HDAC8: variants seen among roughly 807,000 people sequenced by gnomAD.
The protein encoded by HDAC8 is histone deacetylase 8.
Under a neutral mutation model 32.2 loss-of-function variants are expected in HDAC8, and 1 was observed. The ratio of observed to expected loss-of-function variants is 0.03; its 90% CI spans 0.01 to 0.15. The LOEUF is 0.15. Ranked by LOEUF, HDAC8 falls within the 10% of genes least tolerant of loss-of-function variation. The probability of loss-of-function intolerance (pLI) is 1.00; values close to 1 mark genes in which losing one functional copy is unlikely to be tolerated. For missense variants in HDAC8, 117 were observed against 300.0 expected (o/e 0.39, Z 4.51); for synonymous variants, 108 against 113.9 (o/e 0.95, Z 0.33).
intron 9 of HDAC8, among the ~76,000 whole-genome samples, chrX:72,383,452 C>T (rs782173835): frequency 8.9e-6 from 1 of 112,193 alleles, no homozygotes; most frequent in African/African-American, 3.2e-5. Flanking sequence ...CAAACTTACT[C>T]TTTCCCCAAG....
chrX:72,569,673 G>A (rs781816855), intron 2 of HDAC8, among the ~76,000 whole-genome samples: 11 of 111,757 alleles, frequency 9.8e-5, no homozygotes, highest in African/African-American at 3.6e-4. Flanking sequence ...ATAGAAGCGA[G>A]TGAGGGAATA....
intron 9 of HDAC8, among the ~76,000 whole-genome samples, chrX:72,358,822 A>G (rs987944792): frequency 8.9e-6 from 1 of 111,830 alleles, no homozygotes; most frequent in Admixed American, 9.4e-5. Context: ...ACCTCAGATC[A>G]TTAGGCATTA....
In HDAC8 at chrX:72,537,443, G is replaced by A. The variant is rs2050568775; in HGVS notation, c.437+30446C>T. Among the ~76,000 whole-genome samples, 4 of 112,350 alleles carry A rather than the reference G, an allele frequency of 3.6e-5. No homozygotes were observed. In the South Asian group the frequency reaches 1.5e-3, roughly 42 times the overall value. On this transcript the variant is annotated intron_variant, in intron 4 of 10. Transcript: ENST00000373573. ...ACTATTTATACATTTCCTGCAATTAGTATGCATTTGAGAAATTTTTAGTAA... is the reference window on the plus strand; with the variant it reads ...ACTATTTATACATTTCCTGCAATTAATATGCATTTGAGAAATTTTTAGTAA...
intron 4 of HDAC8, among the ~76,000 whole-genome samples, chrX:72,500,057 C>T (rs947700985): frequency 1.3e-4 from 14 of 111,137 alleles, no homozygotes; most frequent in African/African-American, 4.6e-4. Flanking sequence ...TGGACATATA[C>T]ACCCTCCTAA....
intron 9 of HDAC8, among the ~76,000 whole-genome samples, chrX:72,422,362 CT>C (rs1555973926): frequency 9.0e-6 from 1 of 110,514 alleles, no homozygotes; most frequent in Non-Finnish European, 1.9e-5. Context: ...ATTCTTCGTT[CT>C]TTTTTTTCCT....
intron 10 of HDAC8, among the ~76,000 whole-genome samples, chrX:72,344,341 T>C (rs782043550): frequency 8.9e-6 from 1 of 112,198 alleles, no homozygotes; most frequent in Non-Finnish European, 1.9e-5. Flanking sequence ...TTTGGTAAAG[T>C]ATCATCAAAG....
At chrX:72,543,264 C>T (rs1283995472) in intron 4 of HDAC8, among the ~76,000 whole-genome samples, 2 of 111,006 alleles carry the variant, frequency 1.8e-5, no homozygotes, top group Non-Finnish European at 1.9e-5. Context: ...AGGGAAGAGG[C>T]CTGGATGGAG....
At chrX:72,449,059 C>T (rs1472232979) in intron 9 of HDAC8, among the ~76,000 whole-genome samples, 1 of 111,908 alleles carries the variant, frequency 8.9e-6, no homozygotes, top group Admixed American at 9.4e-5. Flanking sequence ...CCCAGCAGTC[C>T]CATTACTGGG....
intron 8 of HDAC8, among the ~76,000 whole-genome samples, chrX:72,462,940 TA>T (rs1376159730): frequency 8.9e-6 from 1 of 112,000 alleles, no homozygotes; most frequent in Non-Finnish European, 1.9e-5. Context: ...GGTATACTTT[TA>T]AAAGTAAAAG....
At chrX:72,488,365 A>G (rs1354453259) in intron 7 of HDAC8, among the ~76,000 whole-genome samples, 1 of 110,680 alleles carries the variant, frequency 9.0e-6, no homozygotes, top group African/African-American at 3.3e-5. Context: ...CCATTCCATA[A>G]GGCTTTTCAA....
intron 10 of HDAC8, among the ~76,000 whole-genome samples, chrX:72,339,056 T>C (rs2043815607): frequency 9.0e-6 from 1 of 111,701 alleles, no homozygotes; most frequent in African/African-American, 3.3e-5. Context: ...TTGTGTCACC[T>C]CAGATTGTCT....
At chrX:72,475,682 A>G (rs2048313110) in intron 7 of HDAC8, among the ~76,000 whole-genome samples, 1 of 111,775 alleles carries the variant, frequency 8.9e-6, no homozygotes, top group Admixed American at 9.5e-5. Flanking sequence ...ACATATTCAG[A>G]AGACATTTAA....
chrX:72,559,253 G>A (rs1177487956), intron 4 of HDAC8, among the ~76,000 whole-genome samples: 1 of 107,552 alleles, frequency 9.3e-6, no homozygotes, highest in Non-Finnish European at 1.9e-5. Flanking sequence ...TACTTTTTTG[G>A]TGGAGACGGG....
At chrX:72,443,888 T>C (rs1192017217) in intron 9 of HDAC8, among the ~76,000 whole-genome samples, 1 of 108,996 alleles carries the variant, frequency 9.2e-6, no homozygotes, top group Non-Finnish European at 1.9e-5. Flanking sequence ...CAAACTACCA[T>C]CAGAGAATAC....
intron 7 of HDAC8, chrX:72,474,612 G>A (rs376028552): frequency 7.3e-4 from 860 of 1,178,447 alleles, no homozygotes; most frequent in Non-Finnish European, 9.4e-4. Flanking sequence ...TTTTCTTGAT[G>A]AGAAACCTGA....
chrX:72,490,454 G>T (rs1466003770), intron 6 of HDAC8, among the ~76,000 whole-genome samples: 1 of 107,587 alleles, frequency 9.3e-6, no homozygotes, highest in Non-Finnish European at 1.9e-5. Context: ...TCCTTTGTAG[G>T]GACATGGATG....
chrX:72,528,947 A>T (rs1300005062), intron 4 of HDAC8, among the ~76,000 whole-genome samples: 2 of 112,446 alleles, frequency 1.8e-5, no homozygotes, highest in African/African-American at 6.5e-5. Context: ...AAATTCTACT[A>T]TGTGACAAGG....
chrX:72,568,128 C>T, intron 3 of HDAC8, 98 bp from the exon 4 acceptor site: 1 of 717,387 alleles, frequency 1.4e-6, no homozygotes. Flanking sequence ...TAAAAAGCCA[C>T]TGTGCTAATA....
Position 72,572,727 on chromosome X carries a change from T to G in HDAC8, c.35A>C (p.Gln12Pro). 8.3e-7 allele frequency: 1 copy of G among 1,202,695 alleles called. No homozygotes were observed. Among genetic ancestry groups the G allele is most frequent in the East Asian group, 3.0e-5 (1 of 33,182 alleles). ...ATAGATATAAACCGGGACCAGCGAC[T>G]GCCCACTGTCCGCCGGTTCCTCCGG... ...EEPEEPADSG[Q>P]SLVPVYIYSP... Residue 12 changes from glutamine (Q) to proline (P), a missense_variant, in exon 1 of 11, where the codon CAG becomes CCG. Physicochemically the swap from Gln to Pro is moderately conservative, Grantham distance 76 (BLOSUM62 -1). Transcript: ENST00000373573.
Sources: allele counts gnomAD v4.1 joint callset (sites outside exome capture counted in the v4.1 genomes callset), GRCh38; gene constraint gnomAD v4.1.1; transcripts MANE v1.5; gene names NCBI Gene and HGNC (gene_info 2026-07-23, HGNC 2026-07-21).